The following RALGAPA1 variants were observed in gnomAD, a reference collection of about 807,000 sequenced individuals.
RALGAPA1 encodes ral GTPase-activating protein subunit alpha-1.
RALGAPA1 carries 52 observed loss-of-function variants against 269.6 expected under a neutral mutation model. The observed-to-expected ratio is 0.19, with a 90% CI of 0.15 to 0.24. The LOEUF (loss-of-function observed/expected upper bound fraction) is 0.24. RALGAPA1 is among the 10% of genes least tolerant of loss of function. The pLI is 1.00. For missense variants in RALGAPA1, 1,917 were observed against 3,013.9 expected (o/e 0.64, Z 8.52); for synonymous variants, 817 against 1,008.3 (o/e 0.81, Z 3.60).
At chr14:35,692,005 T>G (rs1322431971) in intron 17 of RALGAPA1, among the ~76,000 whole-genome samples, 1 of 152,134 alleles carries the variant, frequency 6.6e-6, no homozygotes, top group Non-Finnish European at 1.5e-5. Context: ...TCATTAAGCG[T>G]TTGTTAATAC....
At chr14:35,722,147 G>T (rs1191720531) in intron 15 of RALGAPA1, among the ~76,000 whole-genome samples, 1 of 152,136 alleles carries the variant, frequency 6.6e-6, no homozygotes, top group Admixed American at 6.6e-5. Context: ...AGACAGGAAA[G>T]GTGCTAAACA....
At chr14:35,699,732 G>A (rs1186229038) in intron 17 of RALGAPA1, among the ~76,000 whole-genome samples, 1 of 151,928 alleles carries the variant, frequency 6.6e-6, no homozygotes, top group South Asian at 2.1e-4. Context: ...AGATAATGCA[G>A]AATAAATTAT....
In RALGAPA1 at chr14:35,615,349, A is replaced by G. The variant is rs114948628; in HGVS notation, c.6930-9640T>C. ...CAACCACAAGGAATAGGAAACAATT[A>G]GTCTAGGCAAAGAAAATAAAGAATC... On this transcript the variant is annotated intron_variant, in intron 35 of 41. Transcript: ENST00000680220. 5.2e-3 allele frequency among the ~76,000 whole-genome samples: 798 copies of G among 152,334 alleles called. 1 individual carries two copies. Among genetic ancestry groups the G allele is most frequent in the African/African-American group, 0.018 (728 of 41,590 alleles).
rs766745769 is a variant in RALGAPA1 at position 35,655,930 on chromosome 14, A to G, written c.5388-15T>C. 8 of 1,612,912 alleles carry G rather than the reference A, an allele frequency of 5.0e-6. No individual in the cohort carries two copies. Among genetic ancestry groups the G allele is most frequent in the South Asian group, 4.4e-5 (4 of 90,768 alleles). The stretch of plus-strand genomic sequence containing the variant: ...GTGCTACACATCTGCAAAAAAGGCA[A>G]ACAACAACGGTTACATAAAATGAAA... On this transcript the variant is annotated splice_polypyrimidine_tract_variant and intron_variant, in intron 28 of 41. Transcript: ENST00000680220.
intron 3 of RALGAPA1, among the ~76,000 whole-genome samples, chr14:35,772,989 T>C (rs2074745981): frequency 6.6e-6 from 1 of 152,166 alleles, no homozygotes; most frequent in African/African-American, 2.4e-5. Flanking sequence ...CATAAACTCT[T>C]TTACCTTTGT....
At chr14:35,586,584 GT>G (rs1404521423) in intron 37 of RALGAPA1, among the ~76,000 whole-genome samples, 4 of 152,168 alleles carry the variant, frequency 2.6e-5, no homozygotes, top group African/African-American at 9.7e-5. Flanking sequence ...TTGGCTGTGG[GT>G]TTGTCATAAA....
intron 40 of RALGAPA1, 129 bp downstream of exon 40, chr14:35,548,981 A>G (rs995162346): frequency 9.1e-7 from 1 of 1,099,692 alleles, no homozygotes. Context: ...GGCCAAATTC[A>G]AATATTAAAT....
chr14:35,674,088 T>A (rs2064737763), intron 24 of RALGAPA1, 92 bp downstream of exon 24: 7 of 932,958 alleles, frequency 7.5e-6, no homozygotes, highest in Non-Finnish European at 1.2e-5. Context: ...CTAAGTGCTC[T>A]AGAAGTCTAT....
chr14:35,728,564 C>T, intron 12 of RALGAPA1, 54 bp from the exon 13 acceptor site: 1 of 1,514,394 alleles, frequency 6.6e-7, no homozygotes, highest in Non-Finnish European at 8.8e-7. Context: ...TGGCAAATTT[C>T]TTATTCAAAG....
At chr14:35,684,040 T>C (rs2065704085) in intron 20 of RALGAPA1, 55 bp from the exon 21 acceptor site, 3 of 1,425,512 alleles carry the variant, frequency 2.1e-6, no homozygotes, top group Non-Finnish European at 9.7e-7. Flanking sequence ...TAAAAATATT[T>C]ACGAGAGCTA....
chr14:35,672,841 T>C (rs1467350290), intron 25 of RALGAPA1, 26 bp downstream of exon 25: 4 of 1,474,584 alleles, frequency 2.7e-6, no homozygotes, highest in African/African-American at 2.9e-5. Flanking sequence ...AACTACTTCT[T>C]AGATGATACA....
At position 35,678,241 on chromosome 14, in the gene RALGAPA1, A is replaced by G. The variant is rs374816186; in HGVS notation, c.4472-139T>C. On this transcript the variant is annotated intron_variant, in intron 21 of 41. Coordinates refer to ENST00000680220, the MANE Select transcript of RALGAPA1 (RefSeq NM_001346249.2). ...TATAAACTGGCCAGGGAGGTCAAGA[A>G]AATCATAATATTATACAAGCTTTTA... 5.6e-4 allele frequency: 383 copies of G among 682,124 alleles called. 4 individuals carry two copies. The African/African-American group carries it at 6.6e-3, about 12-fold the overall frequency. The allele number at this position is 682,124 out of a possible 1,614,324, so 42.3% of individuals were successfully genotyped here. A position where few individuals can be genotyped will look rare whatever the true frequency, so the allele number is the denominator to read the frequency against.
intron 13 of RALGAPA1, among the ~76,000 whole-genome samples, chr14:35,726,567 C>T (rs764513288): frequency 9.9e-5 from 15 of 152,162 alleles, no homozygotes; most frequent in Middle Eastern, 3.4e-3. Flanking sequence ...GCAGGTGGAT[C>T]GCTTCAGCCC....
At position 35,688,942 on chromosome 14, in the gene RALGAPA1, AT is replaced by A. The variant is rs1217151325; in HGVS notation, c.3468del (p.Ser1157ProfsTer20). 8.0e-7 allele frequency: 1 copy of A among 1,246,712 alleles called. No individual in the cohort carries two copies. Among genetic ancestry groups the A allele is most frequent in the African/African-American group, 1.5e-5 (1 of 64,958 alleles). 77.2% of individuals were successfully genotyped at this position (1,246,712 alleles called of 1,614,324 possible). A position where few individuals can be genotyped will look rare whatever the true frequency, so the allele number is the denominator to read the frequency against. On this transcript the variant is annotated frameshift_variant, in exon 18 of 42. Coordinates refer to ENST00000680220, the MANE Select transcript of RALGAPA1 (RefSeq NM_001346249.2). LOFTEE classifies it high-confidence loss of function. ...TTATAAAACTGAACGGACTCAGTGG[AT>A]GGCCTAAAAGTAACATGAACACTAT... ...KRNSVHVTFR[P>X]STESVQFYNP...
Position 35,775,735 on chromosome 14 carries a change from T to G in RALGAPA1, c.117A>C (p.Glu39Asp). ...CGAAAAACTGTTTAAGATCAATAGA[T>G]TCTGCATTCTCTGAAAAATAAAAAA... ...KHLRIVIENA[E>D]SIDLKQFFDQ... The change falls in exon 2 of 42, where the codon GAA (glutamate) becomes GAC (aspartate). Residue 39 changes from glutamate to aspartate, a missense_variant. By Grantham distance (45) the Glu-to-Asp change is conservative. Around this residue, in one of 11 missense-constraint regions of RALGAPA1, gnomAD observed 462 missense variants for 725.6 expected, o/e 0.64. Coordinates refer to ENST00000680220, the MANE Select transcript of RALGAPA1 (RefSeq NM_001346249.2). 1 of 1,540,220 alleles carries G rather than the reference T, an allele frequency of 6.5e-7. No individual in the cohort carries two copies. Among genetic ancestry groups the G allele is most frequent in the African/African-American group, 1.4e-5 (1 of 70,334 alleles).
intron 39 of RALGAPA1, among the ~76,000 whole-genome samples, chr14:35,567,142 T>C (rs1334605243): frequency 1.3e-5 from 2 of 151,982 alleles, no homozygotes; most frequent in African/African-American, 4.8e-5. Context: ...GGTAGAAAAC[T>C]TCAGATTTTC....
chr14:35,621,232 G>C (rs1401055747), intron 35 of RALGAPA1, among the ~76,000 whole-genome samples: 1 of 152,038 alleles, frequency 6.6e-6, no homozygotes, highest in Non-Finnish European at 1.5e-5. Context: ...TCTAATCTTT[G>C]ACAAACCTGA....
chr14:35,685,162 T>C lies in RALGAPA1; in HGVS notation c.4078-17A>G, dbSNP rs2065809814. ...TGTCATAGTCTAAACGTTCAAGAAATATTTTACCATTAAGAAAAAGCTTTT... is the reference window on the plus strand; with the variant it reads ...TGTCATAGTCTAAACGTTCAAGAAACATTTTACCATTAAGAAAAAGCTTTT... On this transcript the variant is annotated splice_polypyrimidine_tract_variant and intron_variant, in intron 19 of 41. Coordinates refer to ENST00000680220, the MANE Select transcript of RALGAPA1 (RefSeq NM_001346249.2). 4 of 1,543,022 alleles carry C rather than the reference T, an allele frequency of 2.6e-6. No homozygotes were observed. The Admixed American group carries it at 8.2e-5, about 32-fold the overall frequency.
intron 4 of RALGAPA1, among the ~76,000 whole-genome samples, chr14:35,769,081 A>C (rs1426848824): frequency 1.4e-5 from 2 of 143,352 alleles, no homozygotes; most frequent in Non-Finnish European, 3.0e-5. Context: ...CACATAAAAT[A>C]TCAAAGACTA....
Sources: gnomAD v4.1 joint callset for allele counts (sites outside exome capture counted in the v4.1 genomes callset) on GRCh38, gnomAD v4.1.1 for gene constraint, gnomAD v4.1.1 regional missense constraint, MANE v1.5 for transcripts, NCBI Gene and HGNC (gene_info 2026-07-23, HGNC 2026-07-21) for gene names.